Variants in ASIC2 observed in about 807,000 individuals in gnomAD.
ASIC2 encodes acid-sensing ion channel 2.
In ASIC2, 25 loss-of-function variants were observed where a neutral mutation model predicts 57.3. That is an observed-to-expected ratio of 0.44 (90% CI 0.32 to 0.61). The LOEUF (loss-of-function observed/expected upper bound fraction) is 0.61. ASIC2 is among the 20% of genes least tolerant of loss of function. The probability of loss-of-function intolerance (pLI) is 0.06; values close to 1 mark genes in which losing one functional copy is unlikely to be tolerated. For synonymous variants in ASIC2, 319 were observed against 307.5 expected, an observed-to-expected ratio of 1.04 and a Z score of -0.39; for missense variants, 641 against 738.1, an observed-to-expected ratio of 0.87 and a Z score of 1.52.
At chr17:34,059,434 G>A (rs1242834382) in intron 1 of ASIC2, among the ~76,000 whole-genome samples, 2 of 152,208 alleles carry the variant, frequency 1.3e-5, no homozygotes, top group Non-Finnish European at 2.9e-5. Flanking sequence ...ACTCCACAGG[G>A]AGAAGAAATT....
At chr17:33,962,212 G>A (rs915181573) in intron 1 of ASIC2, among the ~76,000 whole-genome samples, 12 of 152,162 alleles carry the variant, frequency 7.9e-5, no homozygotes, top group Admixed American at 6.5e-4. Flanking sequence ...TGGAGGCACA[G>A]AAATAAAACA....
chr17:33,583,730 C>G (rs1262380356), intron 1 of ASIC2, among the ~76,000 whole-genome samples: 1 of 152,224 alleles, frequency 6.6e-6, no homozygotes, highest in Non-Finnish European at 1.5e-5. Context: ...TAGCCCATAG[C>G]ACCGAACATA....
chr17:33,681,252 G>T (rs1363097696), intron 1 of ASIC2, among the ~76,000 whole-genome samples: 1 of 152,196 alleles, frequency 6.6e-6, no homozygotes, highest in African/African-American at 2.4e-5. Context: ...TTGGTTAAGG[G>T]CAGAGTTTCT....
At chr17:33,515,298 C>T (rs978361746) in intron 1 of ASIC2, among the ~76,000 whole-genome samples, 4 of 152,196 alleles carry the variant, frequency 2.6e-5, no homozygotes, top group Non-Finnish European at 5.9e-5. Context: ...TCTCTCCCAA[C>T]CAGCCTTGGC....
At chr17:34,075,449 T>G (rs1489809496) in intron 1 of ASIC2, among the ~76,000 whole-genome samples, 1 of 152,234 alleles carries the variant, frequency 6.6e-6, no homozygotes, top group Non-Finnish European at 1.5e-5. Flanking sequence ...ACTTTTTAAG[T>G]TGCAGAAAGC....
At chr17:33,288,878 C>G (rs891246219) in intron 1 of ASIC2, among the ~76,000 whole-genome samples, 2 of 152,184 alleles carry the variant, frequency 1.3e-5, no homozygotes. Flanking sequence ...AGAATTTGAG[C>G]CCAGTCAGTG....
chr17:33,739,187 T>A (rs990063324), intron 1 of ASIC2, among the ~76,000 whole-genome samples: 3 of 152,174 alleles, frequency 2.0e-5, no homozygotes, highest in Non-Finnish European at 2.9e-5. Context: ...ATATGACAAA[T>A]GAATAAATAG....
At chr17:33,849,703 G>A (rs1449802874) in intron 1 of ASIC2, among the ~76,000 whole-genome samples, 2 of 152,172 alleles carry the variant, frequency 1.3e-5, no homozygotes, top group African/African-American at 4.8e-5. Flanking sequence ...CTGCATCAGA[G>A]ACTGGGCAAA....
intron 1 of ASIC2, among the ~76,000 whole-genome samples, chr17:33,980,309 C>T (rs1039150708): frequency 4.6e-5 from 7 of 152,068 alleles, no homozygotes; most frequent in East Asian, 1.9e-4. Context: ...GGTGAGAAGC[C>T]GGATGAGGGC....
chr17:33,607,148 G>T (rs1810113554), intron 1 of ASIC2, among the ~76,000 whole-genome samples: 1 of 152,124 alleles, frequency 6.6e-6, no homozygotes, highest in Non-Finnish European at 1.5e-5. Flanking sequence ...GGACCCAGGG[G>T]CATGGAACAG....
chr17:33,278,230 T>C (rs2142165287), intron 1 of ASIC2, among the ~76,000 whole-genome samples: 1 of 152,084 alleles, frequency 6.6e-6, no homozygotes, highest in South Asian at 2.1e-4. Context: ...ACAGCATTTA[T>C]TCATATTGGA....
intron 1 of ASIC2, among the ~76,000 whole-genome samples, chr17:33,944,983 T>C (rs1428451633): frequency 6.6e-6 from 1 of 152,208 alleles, no homozygotes; most frequent in Admixed American, 6.5e-5. Flanking sequence ...CAAGGGTTGC[T>C]GAGCATCCAC....
intron 1 of ASIC2, among the ~76,000 whole-genome samples, chr17:34,111,888 G>A (rs1285674174): frequency 6.6e-6 from 1 of 152,094 alleles, no homozygotes; most frequent in East Asian, 1.9e-4. Flanking sequence ...AAATTTTAGT[G>A]ATTATTTAGT....
At chr17:33,023,610 C>T (rs927986429) in intron 6 of ASIC2, among the ~76,000 whole-genome samples, 3 of 152,142 alleles carry the variant, frequency 2.0e-5, no homozygotes, top group Non-Finnish European at 4.4e-5. Context: ...GCCAAAGTCA[C>T]CCTATATACC....
chr17:33,773,328 T>C (rs1911170821), intron 1 of ASIC2, among the ~76,000 whole-genome samples: 1 of 152,132 alleles, frequency 6.6e-6, no homozygotes, highest in African/African-American at 2.4e-5. Context: ...CTTTCCTAAC[T>C]AATAACTTTT....
chr17:33,625,828 G>A (rs941271474), intron 1 of ASIC2, among the ~76,000 whole-genome samples: 1 of 152,220 alleles, frequency 6.6e-6, no homozygotes, highest in Non-Finnish European at 1.5e-5. Flanking sequence ...GCTTGCAGAC[G>A]CTTCATGAGT....
intron 3 of ASIC2, among the ~76,000 whole-genome samples, chr17:33,071,422 T>G (rs1342101394): frequency 6.6e-6 from 1 of 152,252 alleles, no homozygotes; most frequent in Non-Finnish European, 1.5e-5. Flanking sequence ...TCTCTAGAAG[T>G]TCAACTTGGC....
chr17:33,063,230 T>G (rs1229338790), intron 3 of ASIC2, among the ~76,000 whole-genome samples: 1 of 152,220 alleles, frequency 6.6e-6, no homozygotes, highest in African/African-American at 2.4e-5. Context: ...ATTTTGCTCA[T>G]TAGTTGATGC....
At chr17:33,476,140 T>C (rs1913211427) in intron 1 of ASIC2, among the ~76,000 whole-genome samples, 1 of 152,110 alleles carries the variant, frequency 6.6e-6, no homozygotes, top group African/African-American at 2.4e-5. Context: ...CTGTGCCAGT[T>C]CCATAGAAAC....
Sources: gnomAD v4.1 joint callset for allele counts (sites outside exome capture counted in the v4.1 genomes callset) on GRCh38, gnomAD v4.1.1 for gene constraint, MANE v1.5 for transcripts, NCBI Gene and HGNC (gene_info 2026-07-23, HGNC 2026-07-21) for gene names.